Variants in DLG2 observed in about 807,000 individuals in gnomAD.
The protein encoded by DLG2 is disks large homolog 2.
In DLG2, 45 loss-of-function variants were observed where a neutral mutation model predicts 132.5. The observed-to-expected ratio is 0.34, with a 90% CI of 0.27 to 0.44. The LOEUF is 0.44. Among genes scored for constraint, DLG2 ranks in the 20% least tolerant of loss-of-function variants. The pLI, the probability that DLG2 is intolerant of heterozygous loss-of-function variation, is 1.00. For missense variants in DLG2, 1,045 were observed against 1,196.9 expected (o/e 0.87, Z 1.87); for synonymous variants, 424 against 419.6 (o/e 1.01, Z -0.13).
chr11:84,069,969 G>A (rs1321174297), intron 10 of DLG2, among the ~76,000 whole-genome samples: 1 of 152,174 alleles, frequency 6.6e-6, no homozygotes, highest in African/African-American at 2.4e-5. Flanking sequence ...ATGAGGTGCT[G>A]GTACCTACCA....
chr11:84,431,717 TATA>T (rs112391357), intron 7 of DLG2, among the ~76,000 whole-genome samples: 6 of 152,250 alleles, frequency 3.9e-5, no homozygotes, highest in South Asian at 2.1e-4. Flanking sequence ...TGATAGCAAG[TATA>T]ATATTTTAAA....
intron 15 of DLG2, among the ~76,000 whole-genome samples, chr11:83,883,356 T>C (rs139016311): frequency 2.6e-5 from 4 of 152,206 alleles, no homozygotes; most frequent in Non-Finnish European, 4.4e-5. Flanking sequence ...CCATTTTTTT[T>C]CTGAAGTTCT....
At chr11:83,789,747 C>A (rs1202761333) in intron 17 of DLG2, among the ~76,000 whole-genome samples, 1 of 152,130 alleles carries the variant, frequency 6.6e-6, no homozygotes, top group Non-Finnish European at 1.5e-5. Flanking sequence ...GGGGTTTCAC[C>A]ATGTTGGCCA....
chr11:84,141,748 A>C (rs2094857604), intron 9 of DLG2, among the ~76,000 whole-genome samples: 1 of 152,110 alleles, frequency 6.6e-6, no homozygotes, highest in Non-Finnish European at 1.5e-5. Flanking sequence ...AAATCTGCTT[A>C]GTTACATTGG....
intron 14 of DLG2, among the ~76,000 whole-genome samples, chr11:83,946,460 G>A (rs1419025964): frequency 6.6e-6 from 1 of 152,132 alleles, no homozygotes; most frequent in Non-Finnish European, 1.5e-5. Flanking sequence ...ATGGGGCTAA[G>A]GACTCTGTTT....
At chr11:84,777,015 A>C (rs910581618) in intron 6 of DLG2, among the ~76,000 whole-genome samples, 5 of 152,022 alleles carry the variant, frequency 3.3e-5, no homozygotes, top group African/African-American at 7.2e-5. Flanking sequence ...CATTGTACCC[A>C]TTAAGTAATT....
At position 84,714,593 on chromosome 11, in the gene DLG2, CTTTCTTTCTCTTTCTCTTTCTCTT is replaced by C. The variant is rs1565749331; in HGVS notation, c.358-179886_358-179863del. The stretch of plus-strand genomic sequence containing the variant: ...TCTTTCTCTTTCTCTTTCTCTTTCT[CTTTCTTTCTCTTTCTCTTTCTCTT>C]TCTCTTTCTCTCTCTCTCTCTCTCT... On this transcript the variant is annotated intron_variant, in intron 6 of 27. Transcript: ENST00000376104. 3.0e-4 allele frequency among the ~76,000 whole-genome samples: 33 copies of C among 110,056 alleles called. 1 individual carries two copies. The highest frequency in any genetic ancestry group is 4.6e-3 in the Middle Eastern group (1 of 218). The allele number at this position is 110,056 out of a possible 152,430, so 72.2% of individuals were successfully genotyped here.
intron 8 of DLG2, among the ~76,000 whole-genome samples, chr11:84,217,759 T>G (rs1260644912): frequency 6.6e-6 from 1 of 152,228 alleles, no homozygotes; most frequent in Non-Finnish European, 1.5e-5. Context: ...TTAAGAGAGA[T>G]ATTTAATCTG....
chr11:84,168,949 G>A (rs2095746042), intron 8 of DLG2, among the ~76,000 whole-genome samples: 1 of 151,918 alleles, frequency 6.6e-6, no homozygotes, highest in African/African-American at 2.4e-5. Context: ...ATGTCATGAT[G>A]CATTACTGCT....
chr11:85,477,208 A>C (rs1274788513), intron 3 of DLG2, among the ~76,000 whole-genome samples: 2 of 152,218 alleles, frequency 1.3e-5, no homozygotes, highest in Non-Finnish European at 2.9e-5. Flanking sequence ...TCCTATTTAA[A>C]GACACAAACA....
At chr11:84,168,258 G>A (rs1199241355) in intron 8 of DLG2, among the ~76,000 whole-genome samples, 2 of 152,170 alleles carry the variant, frequency 1.3e-5, no homozygotes, top group African/African-American at 2.4e-5. Context: ...AAGCTGCAGC[G>A]CCACTATTGC....
chr11:83,832,853 A>C (rs2154001701), intron 17 of DLG2, among the ~76,000 whole-genome samples: 1 of 152,342 alleles, frequency 6.6e-6, no homozygotes, highest in South Asian at 2.1e-4. Context: ...ACAACTTAGT[A>C]CCATCAGCAA....
In DLG2 at chr11:83,878,560, G is replaced by A. The variant is rs561472530; in HGVS notation, c.1497-4072C>T. On this transcript the variant is annotated intron_variant, in intron 15 of 27. Transcript: ENST00000376104. ...CACTGACAAATTCTTTTTTTCTTTGGTATAAATACCACCCATTATTTTTAC... is the reference window on the plus strand; with the variant it reads ...CACTGACAAATTCTTTTTTTCTTTGATATAAATACCACCCATTATTTTTAC... Among the ~76,000 whole-genome samples, 6 of 152,048 alleles carry A rather than the reference G, an allele frequency of 3.9e-5. 1 individual carries two copies. The highest frequency in any genetic ancestry group is 1.4e-4 in the African/African-American group (6 of 41,498).
At chr11:84,023,262 A>C (rs1256159783) in intron 11 of DLG2, among the ~76,000 whole-genome samples, 1 of 152,158 alleles carries the variant, frequency 6.6e-6, no homozygotes, top group Non-Finnish European at 1.5e-5. Context: ...CCTAAATGAT[A>C]TTGACTGGTA....
At chr11:84,928,980 G>GTATATATATATATATATCTATA (rs1385905913) in intron 6 of DLG2, among the ~76,000 whole-genome samples, 1 of 40,258 alleles carries the variant, frequency 2.5e-5, no homozygotes, top group African/African-American at 8.0e-5. Context: ...GTGTGTGTGT[G>GTATATATATATATATATCTATA]TGTATATATA....
At chr11:84,072,345 G>T (rs10792715) in intron 10 of DLG2, among the ~76,000 whole-genome samples, 9 of 151,782 alleles carry the variant, frequency 5.9e-5, no homozygotes, top group African/African-American at 1.7e-4. Flanking sequence ...CTCCAGACCC[G>T]GGTTGTCTGT....
chr11:83,540,915 G>A (rs1365091144), intron 20 of DLG2, among the ~76,000 whole-genome samples: 2 of 152,168 alleles, frequency 1.3e-5, no homozygotes, highest in Non-Finnish European at 2.9e-5. Context: ...GGACATTTGT[G>A]AGAAGGAAAG....
At chr11:84,170,263 A>C (rs540048735) in intron 8 of DLG2, among the ~76,000 whole-genome samples, 175 of 152,348 alleles carry the variant, frequency 1.1e-3, no homozygotes, top group Non-Finnish European at 1.9e-3. Context: ...CATCTCAGGA[A>C]ATTTTTGCAA....
intron 7 of DLG2, among the ~76,000 whole-genome samples, chr11:84,420,406 A>G (rs1244567322): frequency 6.6e-6 from 1 of 152,146 alleles, no homozygotes. Context: ...TACTGCATTA[A>G]CAGTCACTGA....
Sources: allele counts gnomAD v4.1 joint callset (sites outside exome capture counted in the v4.1 genomes callset), GRCh38; gene constraint gnomAD v4.1.1; transcripts MANE v1.5; gene names NCBI Gene and HGNC (gene_info 2026-07-23, HGNC 2026-07-21).